The following USP15 variants were observed in gnomAD, a reference collection of about 807,000 sequenced individuals.
USP15 encodes ubiquitin carboxyl-terminal hydrolase 15.
A neutral mutation model predicts 127.1 loss-of-function variants in USP15; 18 were observed. The ratio of observed to expected loss-of-function variants is 0.14; its 90% confidence interval spans 0.10 to 0.21. The LOEUF is 0.21. Among genes scored for constraint, USP15 ranks in the 10% least tolerant of loss-of-function variants. The pLI is 1.00. For missense variants in USP15, 805 were observed against 1,159.9 expected, an observed-to-expected ratio of 0.69 and a Z score of 4.44; for synonymous variants, 364 against 393.7, an observed-to-expected ratio of 0.92 and a Z score of 0.89.
intron 1 of USP15, among the ~76,000 whole-genome samples, chr12:62,293,787 G>A (rs372982514): frequency 2.6e-5 from 4 of 151,882 alleles, no homozygotes; most frequent in East Asian, 1.9e-4. Context: ...CTTTACCTCC[G>A]AAACACACAA....
intron 3 of USP15, among the ~76,000 whole-genome samples, chr12:62,305,250 AC>A (rs1254427165): frequency 6.6e-6 from 1 of 152,192 alleles, no homozygotes; most frequent in African/African-American, 2.4e-5. Context: ...ACAAAACTGT[AC>A]CTAGTACAAA....
chr12:62,401,080 A>G, intron 20 of USP15, 107 bp from the exon 21 acceptor site: 1 of 572,534 alleles, frequency 1.7e-6, no homozygotes, highest in Non-Finnish European at 2.9e-6. Flanking sequence ...CTCATAGATG[A>G]TTATCAGTGT....
chr12:62,350,004 A>G (rs1490952432), intron 7 of USP15, among the ~76,000 whole-genome samples: 2 of 151,888 alleles, frequency 1.3e-5, no homozygotes, highest in East Asian at 3.9e-4. Context: ...ATTGATCTAG[A>G]GATGATTATC....
chr12:62,401,919 CATATAT>C, intron 21 of USP15, among the ~76,000 whole-genome samples: 1 of 145,868 alleles, frequency 6.9e-6, no homozygotes, highest in East Asian at 2.0e-4. Context: ...TGTATATATA[CATATAT>C]ATATATATAT....
At chr12:62,337,367 C>T (rs374492301) in intron 6 of USP15, among the ~76,000 whole-genome samples, 4 of 152,098 alleles carry the variant, frequency 2.6e-5, no homozygotes, top group African/African-American at 9.7e-5. Context: ...ACATGGCTAG[C>T]GAGGCCTCAC....
chr12:62,295,063 G>A (rs2064087897), intron 2 of USP15, among the ~76,000 whole-genome samples: 1 of 152,094 alleles, frequency 6.6e-6, no homozygotes, highest in South Asian at 2.1e-4. Flanking sequence ...TTGCAGTCTA[G>A]GAAAACCAAG....
At position 62,415,834 on chromosome 12, in the gene USP15, C is replaced by G. The variant is rs1477019433; in HGVS notation, c.*11459C>G. 6.6e-6 allele frequency: 1 copy of G among 152,094 alleles called. No individual in the cohort carries two copies. Among genetic ancestry groups the G allele is most frequent in the Non-Finnish European group, 1.5e-5 (1 of 68,014 alleles). The allele number at this position is 152,094 out of a possible 1,614,324, so 9.4% of individuals were successfully genotyped here. On this transcript the variant is annotated 3_prime_UTR_variant, in exon 22 of 22. Transcript: ENST00000280377. ...TATTACCTACCTTTCAGAATAATTG[C>G]AAGGTTTTGTGTCTTGATCATTATG... is the stretch of plus-strand genomic sequence containing the variant.
chr12:62,335,341 G>T, intron 6 of USP15: 1 of 1,433,852 alleles, frequency 7.0e-7, no homozygotes, highest in Non-Finnish European at 9.1e-7. Context: ...GTCAGAAGTC[G>T]GAATCAGAAG....
At chr12:62,327,101 A>G (rs935181107) in intron 6 of USP15, among the ~76,000 whole-genome samples, 3 of 152,194 alleles carry the variant, frequency 2.0e-5, no homozygotes, top group African/African-American at 7.2e-5. Context: ...CTGTACTTCC[A>G]GCCTGGCCAA....
intron 3 of USP15, among the ~76,000 whole-genome samples, chr12:62,310,864 T>C (rs2064653913): frequency 6.6e-6 from 1 of 152,032 alleles, no homozygotes; most frequent in South Asian, 2.1e-4. Context: ...AAGTGTTCCC[T>C]TTTCTCCGCA....
At chr12:62,383,410 A>G (rs2137577082) in intron 9 of USP15, among the ~76,000 whole-genome samples, 1 of 152,064 alleles carries the variant, frequency 6.6e-6, no homozygotes, top group Admixed American at 6.6e-5. Flanking sequence ...CATATCTAAC[A>G]CATACTTTTT....
intron 8 of USP15, among the ~76,000 whole-genome samples, chr12:62,380,787 G>A (rs985745086): frequency 4.0e-5 from 6 of 151,886 alleles, no homozygotes; most frequent in African/African-American, 1.2e-4. Flanking sequence ...AAAATTGTAC[G>A]TCTGCCATGT....
intron 3 of USP15, among the ~76,000 whole-genome samples, chr12:62,307,112 A>G (rs765686253): frequency 2.0e-5 from 3 of 152,154 alleles, no homozygotes; most frequent in Non-Finnish European, 2.9e-5. Context: ...GAACTCCAGT[A>G]AGATCCAGTG....
intron 18 of USP15, 129 bp downstream of exon 18, chr12:62,392,516 A>AT: frequency 1.5e-6 from 1 of 664,054 alleles, no homozygotes; most frequent in Non-Finnish European, 2.5e-6. Flanking sequence ...GATTCTTTAT[A>AT]TAAGTTGTAG....
intron 4 of USP15, among the ~76,000 whole-genome samples, chr12:62,316,791 A>G (rs2064842749): frequency 6.6e-6 from 1 of 152,124 alleles, no homozygotes; most frequent in Non-Finnish European, 1.5e-5. Context: ...AACAAGAATT[A>G]TGGGTTCTCA....
intron 1 of USP15, among the ~76,000 whole-genome samples, chr12:62,261,212 C>G (rs1369277321): frequency 6.6e-6 from 1 of 152,044 alleles, no homozygotes; most frequent in East Asian, 1.9e-4. Flanking sequence ...TGTAGGCCTG[C>G]AAAAAGTAGA....
intron 19 of USP15, among the ~76,000 whole-genome samples, chr12:62,394,154 CAGAATGACAA>C (rs2067409855): frequency 6.6e-6 from 1 of 152,102 alleles, no homozygotes; most frequent in Admixed American, 6.5e-5. Flanking sequence ...GTTGAGAATT[CAGAATGACAA>C]AAAGGGAACA....
Position 62,389,716 on chromosome 12 carries a change from T to G in USP15, c.1652+17T>G. 1.2e-6 allele frequency: 2 copies of G among 1,601,720 alleles called. No individual in the cohort carries two copies. Among genetic ancestry groups the G allele is most frequent in the South Asian group, 2.3e-5 (2 of 88,782 alleles). On this transcript the variant is annotated intron_variant, in intron 13 of 21. Coordinates refer to ENST00000280377, the MANE Select transcript of USP15 (RefSeq NM_001252078.2). ...TATTTATGTGTAAGTATAAAACTCA[T>G]TGTGCAAAATATTACTTGAAAAAAA...
chr12:62,322,734 T>G (rs1479854016), intron 5 of USP15, among the ~76,000 whole-genome samples: 1 of 152,158 alleles, frequency 6.6e-6, no homozygotes, highest in Non-Finnish European at 1.5e-5. Context: ...CCTGGTTCCT[T>G]AATAATTAAG....
Sources: gnomAD v4.1 joint callset for allele counts (sites outside exome capture counted in the v4.1 genomes callset) on GRCh38, gnomAD v4.1.1 for gene constraint, MANE v1.5 for transcripts, NCBI Gene and HGNC (gene_info 2026-07-23, HGNC 2026-07-21) for gene names.